The following KIAA1671 variants were observed in gnomAD, a reference collection of about 807,000 sequenced individuals.
The protein encoded by KIAA1671 is KIAA1671.
KIAA1671 carries 52 observed loss-of-function variants against 131.2 expected under a neutral mutation model. That is an observed-to-expected ratio of 0.40 (90% CI 0.32 to 0.50). The LOEUF is 0.50. Ranked by LOEUF, KIAA1671 falls within the 20% of genes least tolerant of loss-of-function variation. The pLI is 0.73. For synonymous variants in KIAA1671, 1,003 were observed against 961.6 expected, an observed-to-expected ratio of 1.04 and a Z score of -0.80; for missense variants, 2,360 against 2,364.2, an observed-to-expected ratio of 1.00 and a Z score of 0.04.
At chr22:24,986,402 C>T (rs115653487) in intron 1 of KIAA1671, among the ~76,000 whole-genome samples, 164 of 152,130 alleles carry the variant, frequency 1.1e-3, no homozygotes, top group African/African-American at 3.8e-3. Flanking sequence ...TGCTTTAAAT[C>T]AGCTCAAGAT....
chr22:25,178,084 C>T (rs987228270), intron 9 of KIAA1671, among the ~76,000 whole-genome samples: 1 of 152,198 alleles, frequency 6.6e-6, no homozygotes, highest in Non-Finnish European at 1.5e-5. Flanking sequence ...CATTTTACAG[C>T]AAGGGGTCGG....
intron 6 of KIAA1671, among the ~76,000 whole-genome samples, chr22:25,154,342 C>T (rs1429276855): frequency 6.6e-6 from 1 of 152,234 alleles, no homozygotes; most frequent in African/African-American, 2.4e-5. Flanking sequence ...TAGGACCTAA[C>T]ACCCATATGA....
At chr22:25,007,976 A>T (rs1333187159) in intron 1 of KIAA1671, among the ~76,000 whole-genome samples, 3 of 151,908 alleles carry the variant, frequency 2.0e-5, no homozygotes, top group African/African-American at 7.3e-5. Flanking sequence ...CGGGTGGATC[A>T]TCTGAGGTCA....
intron 11 of KIAA1671, among the ~76,000 whole-genome samples, chr22:25,189,390 GTCT>G (rs2146051465): frequency 6.6e-6 from 1 of 152,072 alleles, no homozygotes; most frequent in South Asian, 2.1e-4. Context: ...AGCCGGGATG[GTCT>G]TGATCTCCTG....
intron 6 of KIAA1671, chr22:25,110,869 G>A (rs1931297108): frequency 6.6e-6 from 1 of 152,364 alleles, no homozygotes; most frequent in Non-Finnish European, 1.5e-5. Flanking sequence ...CAGGGCAGAT[G>A]CTGTGCCCCG....
intron 1 of KIAA1671, among the ~76,000 whole-genome samples, chr22:24,985,035 G>C (rs887469068): frequency 2.0e-5 from 3 of 152,006 alleles, no homozygotes; most frequent in African/African-American, 7.3e-5. Flanking sequence ...GAAATGGCAG[G>C]ATAATTCCAA....
chr22:24,984,042 T>C (rs1193491403), intron 1 of KIAA1671, among the ~76,000 whole-genome samples: 10 of 152,092 alleles, frequency 6.6e-5, no homozygotes. Context: ...CCTCCCAAAG[T>C]GCTAGGATTA....
chr22:25,009,804 G>T (rs961031907), intron 1 of KIAA1671: 2 of 152,154 alleles, frequency 1.3e-5, no homozygotes, highest in Non-Finnish European at 2.9e-5. Flanking sequence ...GGATGGTCTC[G>T]ATCTCCTGAC....
chr22:25,084,778 G>A (rs143675313), intron 6 of KIAA1671, among the ~76,000 whole-genome samples: 1 of 152,300 alleles, frequency 6.6e-6, no homozygotes, highest in East Asian at 1.9e-4. Flanking sequence ...TGTGTTTGGT[G>A]CATGTGATGG....
At chr22:25,164,601 A>G (rs187052054) in intron 6 of KIAA1671, among the ~76,000 whole-genome samples, 8 of 152,314 alleles carry the variant, frequency 5.3e-5, no homozygotes, top group Non-Finnish European at 1.0e-4. Context: ...GTGAAGCAAA[A>G]GAGTTGGAAG....
At chr22:25,166,443 C>G (rs891890818) in intron 6 of KIAA1671, among the ~76,000 whole-genome samples, 2 of 152,106 alleles carry the variant, frequency 1.3e-5, no homozygotes, top group Admixed American at 1.3e-4. Context: ...CTGGAAACTG[C>G]CCCCCTGCCG....
chr22:25,161,596 G>T (rs1933446201), intron 6 of KIAA1671, among the ~76,000 whole-genome samples: 1 of 152,234 alleles, frequency 6.6e-6, no homozygotes, highest in Admixed American at 6.5e-5. Context: ...GAGGACCCCG[G>T]CTTTATCTTC....
chr22:25,087,549 C>T (rs1236873347), intron 6 of KIAA1671, among the ~76,000 whole-genome samples: 1 of 152,220 alleles, frequency 6.6e-6, no homozygotes, highest in Non-Finnish European at 1.5e-5. Flanking sequence ...CGCCACTGCA[C>T]TCCTGCCTGG....
At chr22:25,174,790 C>G (rs532554445) in intron 8 of KIAA1671, 17 of 262,670 alleles carry the variant, frequency 6.5e-5, no homozygotes, top group African/African-American at 3.7e-4. Flanking sequence ...TGATCTAAGC[C>G]CTTACCTGCT....
chr22:25,086,623 G>A (rs777054634), intron 6 of KIAA1671, among the ~76,000 whole-genome samples: 58 of 152,246 alleles, frequency 3.8e-4, no homozygotes, highest in Non-Finnish European at 6.6e-4. Flanking sequence ...GGTGGACCTC[G>A]CCCATCTCCA....
chr22:25,082,704 A>G (rs1269220987), intron 6 of KIAA1671, among the ~76,000 whole-genome samples: 2 of 152,078 alleles, frequency 1.3e-5, no homozygotes, highest in Non-Finnish European at 2.9e-5. Context: ...GTGGAGGTGC[A>G]TGCTTTCAAG....
At chr22:25,114,359 C>T (rs2145918777) in intron 6 of KIAA1671, among the ~76,000 whole-genome samples, 1 of 152,364 alleles carries the variant, frequency 6.6e-6, no homozygotes. Flanking sequence ...GCCCCCAGCA[C>T]AGTGCCAGGC....
intron 6 of KIAA1671, among the ~76,000 whole-genome samples, chr22:25,087,247 A>AT (rs1929774081): frequency 6.8e-6 from 1 of 147,598 alleles, no homozygotes; most frequent in East Asian, 2.0e-4. Context: ...GCCCACTCTT[A>AT]GAGATTTAGT....
intron 6 of KIAA1671, among the ~76,000 whole-genome samples, chr22:25,086,096 G>A (rs1018109670): frequency 1.3e-5 from 2 of 152,194 alleles, no homozygotes; most frequent in African/African-American, 4.8e-5. Context: ...ATATCTATAT[G>A]CACAGTGCTT....
Sources: gnomAD v4.1 joint callset for allele counts (sites outside exome capture counted in the v4.1 genomes callset) on GRCh38, gnomAD v4.1.1 for gene constraint, MANE v1.5 for transcripts, NCBI Gene and HGNC (gene_info 2026-07-23, HGNC 2026-07-21) for gene names.